PDE8B: variants seen among roughly 807,000 people sequenced by gnomAD.
PDE8B encodes the protein phosphodiesterase 8B.
PDE8B carries 26 observed loss-of-function variants against 101.3 expected under a neutral mutation model. That is an observed-to-expected ratio of 0.26 (90% confidence interval 0.19 to 0.36). The LOEUF (loss-of-function observed/expected upper bound fraction) is 0.36. PDE8B is among the 10% of genes least tolerant of loss of function. The pLI, the probability that PDE8B is intolerant of heterozygous loss-of-function variation, is 1.00. For synonymous variants in PDE8B, 424 were observed against 429.3 expected, an observed-to-expected ratio of 0.99 and a Z score of 0.15; for missense variants, 810 against 1,163.1, an observed-to-expected ratio of 0.70 and a Z score of 4.42.
At chr5:77,150,504 T>C in the PDE8B span, among the ~76,000 whole-genome samples, 1 of 152,198 alleles carries the variant, frequency 6.6e-6, no homozygotes, top group Admixed American at 6.5e-5. Context: ...TCTCAAGGTC[T>C]TCTAGAGAAA....
In PDE8B at chr5:77,397,026, A is replaced by ATTTTTTTTTTTTTT. The variant is rs71606290; in HGVS notation, c.1168-3211_1168-3198dup. 6.9e-3 allele frequency among the ~76,000 whole-genome samples: 580 copies of ATTTTTTTTTTTTTT among 84,382 alleles called. 94 individuals carry two copies. Among genetic ancestry groups the ATTTTTTTTTTTTTT allele is most frequent in the African/African-American group, 0.03 (542 of 18,212 alleles). The allele number at this position is 84,382 out of a possible 152,430, so 55.4% of individuals were successfully genotyped here. ...TTGGTTTCTATATTTCCGATAAGAA[A>ATTTTTTTTTTTTTT]TTTTTTTTTTTTTTTTTTTTTTTTG... is the stretch of plus-strand genomic sequence containing the variant. On this transcript the variant is annotated intron_variant, in intron 10 of 21. Coordinates refer to ENST00000264917, the MANE Select transcript of PDE8B (RefSeq NM_003719.5).
chr5:77,115,622 T>C, the PDE8B span, among the ~76,000 whole-genome samples: 1 of 152,048 alleles, frequency 6.6e-6, no homozygotes, highest in South Asian at 2.1e-4. Context: ...AATACACAAA[T>C]AGGTAAAAGA....
intron 21 of PDE8B, 161 bp downstream of exon 21, chr5:77,426,057 C>G (rs1156576943): frequency 2.9e-6 from 2 of 696,452 alleles, no homozygotes; most frequent in African/African-American, 3.5e-5. Context: ...TCTTTGCATC[C>G]CCAGCAGCTG....
At chr5:77,153,798 C>T in the PDE8B span, among the ~76,000 whole-genome samples, 1 of 152,156 alleles carries the variant, frequency 6.6e-6, no homozygotes, top group African/African-American at 2.4e-5. Flanking sequence ...TGGTCTTGAA[C>T]TCCTGACCTC....
chr5:77,391,966 A>G (rs929087821), intron 10 of PDE8B, among the ~76,000 whole-genome samples: 1 of 152,206 alleles, frequency 6.6e-6, no homozygotes, highest in Non-Finnish European at 1.5e-5. Flanking sequence ...AATTCACACT[A>G]TATCAGTAAG....
At chr5:77,318,755 G>A (rs1484996875) in intron 2 of PDE8B, among the ~76,000 whole-genome samples, 1 of 152,134 alleles carries the variant, frequency 6.6e-6, no homozygotes, top group Non-Finnish European at 1.5e-5. Context: ...TTAGTATTAT[G>A]CAGACAGAGC....
At chr5:77,087,103 A>C in the PDE8B span, 2 of 152,336 alleles carry the variant, frequency 1.3e-5, no homozygotes, top group Non-Finnish European at 2.9e-5. Flanking sequence ...CTGGAAGCCC[A>C]CACTCACCCC....
intron 2 of PDE8B, among the ~76,000 whole-genome samples, chr5:77,319,270 TC>T (rs1296969946): frequency 6.6e-6 from 1 of 152,358 alleles, no homozygotes; most frequent in Admixed American, 6.5e-5. Flanking sequence ...GGCTCTTCAG[TC>T]CACAAATCAC....
chr5:77,331,563 T>G (rs1777134913), intron 5 of PDE8B, 104 bp downstream of exon 5: 2 of 914,796 alleles, frequency 2.2e-6, no homozygotes, highest in Admixed American at 3.4e-5. Flanking sequence ...TTAAGGAAAT[T>G]AAGCCCCAGG....
intron 1 of PDE8B, among the ~76,000 whole-genome samples, chr5:77,287,886 G>T (rs1766381424): frequency 6.6e-6 from 1 of 152,126 alleles, no homozygotes; most frequent in South Asian, 2.1e-4. Context: ...TTTCAAGTCT[G>T]TGTGTGTAAC....
At chr5:77,354,683 T>G (rs144304420) in intron 10 of PDE8B, among the ~76,000 whole-genome samples, 3 of 152,272 alleles carry the variant, frequency 2.0e-5, no homozygotes, top group African/African-American at 7.2e-5. Context: ...TTCATTCTCA[T>G]GCCAGAAATT....
chr5:77,307,147 C>T (rs1771404367), intron 1 of PDE8B, among the ~76,000 whole-genome samples: 3 of 152,180 alleles, frequency 2.0e-5, no homozygotes, highest in African/African-American at 7.2e-5. Context: ...GACCCTTTCT[C>T]ACACTGCAAT....
intron 1 of PDE8B, among the ~76,000 whole-genome samples, chr5:77,224,701 T>A (rs927085187): frequency 6.6e-6 from 1 of 152,248 alleles, no homozygotes; most frequent in African/African-American, 2.4e-5. Context: ...TTTTTAATCA[T>A]CTTTCAAATA....
chr5:77,088,152 G>A, the PDE8B span: 1 of 152,220 alleles, frequency 6.6e-6, no homozygotes, highest in Admixed American at 6.5e-5. Context: ...CGTGTGTTCG[G>A]TCTCTGCCTG....
At chr5:77,173,831 G>A in the PDE8B span, among the ~76,000 whole-genome samples, 1 of 152,230 alleles carries the variant, frequency 6.6e-6, no homozygotes, top group East Asian at 1.9e-4. Flanking sequence ...GGGTGGTGGT[G>A]CGTGGCATGC....
chr5:77,340,880 C>CT, intron 6 of PDE8B, among the ~76,000 whole-genome samples: 1 of 152,190 alleles, frequency 6.6e-6, no homozygotes, highest in South Asian at 2.1e-4. Flanking sequence ...TAATATTTAC[C>CT]TTTTCTCTCT....
chr5:77,386,629 G>A (rs1481021866), intron 10 of PDE8B, among the ~76,000 whole-genome samples: 1 of 151,888 alleles, frequency 6.6e-6, no homozygotes, highest in South Asian at 2.1e-4. Flanking sequence ...CATTTGCTTG[G>A]TAAATATTTC....
At chr5:77,372,462 TTCTC>T in intron 10 of PDE8B, among the ~76,000 whole-genome samples, 1 of 152,318 alleles carries the variant, frequency 6.6e-6, no homozygotes, top group East Asian at 1.9e-4. Flanking sequence ...TATTCCCTCC[TTCTC>T]TATTTTCCGA....
the PDE8B span, among the ~76,000 whole-genome samples, chr5:77,131,799 C>A: frequency 2.0e-5 from 3 of 152,000 alleles, no homozygotes; most frequent in African/African-American, 7.2e-5. Context: ...GTATAATTTA[C>A]AAAATTATAC....
Sources: allele counts gnomAD v4.1 joint callset (sites outside exome capture counted in the v4.1 genomes callset), GRCh38; gene constraint gnomAD v4.1.1; transcripts MANE v1.5; gene names NCBI Gene and HGNC (gene_info 2026-07-23, HGNC 2026-07-21).